Variants in TRPM3 observed in about 807,000 individuals in gnomAD.
The protein encoded by TRPM3 is long transient receptor potential channel 3.
In TRPM3, 77 loss-of-function variants were observed where a neutral mutation model predicts 181.2. The observed-to-expected ratio is 0.42, with a 90% CI of 0.35 to 0.51. The LOEUF is 0.51. Among genes scored for constraint, TRPM3 ranks in the 20% least tolerant of loss-of-function variants. TRPM3 has a pLI of 0.01. For missense variants in TRPM3, 1,759 were observed against 2,196.7 expected, an observed-to-expected ratio of 0.80 and a Z score of 3.98; for synonymous variants, 745 against 796.4, an observed-to-expected ratio of 0.94 and a Z score of 1.09.
intron 1 of TRPM3, among the ~76,000 whole-genome samples, chr9:71,402,261 A>G (rs942995359): frequency 5.3e-5 from 8 of 152,262 alleles, no homozygotes; most frequent in African/African-American, 1.9e-4. Context: ...AAGGTGGCAC[A>G]AAATCTTGCC....
At chr9:70,985,415 A>G (rs1051596437) in intron 1 of TRPM3, among the ~76,000 whole-genome samples, 13 of 152,150 alleles carry the variant, frequency 8.5e-5, no homozygotes, top group African/African-American at 3.1e-4. Flanking sequence ...AATTCTAGAG[A>G]AGGCAACCCA....
intron 22 of TRPM3, among the ~76,000 whole-genome samples, chr9:70,578,795 T>C (rs1211326073): frequency 6.6e-6 from 1 of 152,218 alleles, no homozygotes; most frequent in Non-Finnish European, 1.5e-5. Flanking sequence ...TGGGTTCTGA[T>C]AGGCCAGGTT....
At chr9:71,336,179 G>GA (rs796477216) in intron 1 of TRPM3, among the ~76,000 whole-genome samples, 6,971 of 117,774 alleles carry the variant, frequency 0.059, 333 homozygotes, top group African/African-American at 0.14. Flanking sequence ...CAAACTGTCC[G>GA]AAAAAAAAAA....
chr9:70,657,742 A>C (rs930834928), intron 9 of TRPM3, among the ~76,000 whole-genome samples: 1 of 152,130 alleles, frequency 6.6e-6, no homozygotes, highest in Non-Finnish European at 1.5e-5. Flanking sequence ...AAGGACAGCA[A>C]TTCCTGCTAA....
intron 1 of TRPM3, among the ~76,000 whole-genome samples, chr9:71,159,105 T>TGG (rs1554836762): frequency 1.4e-4 from 20 of 144,082 alleles, no homozygotes; most frequent in Non-Finnish European, 2.0e-4. Flanking sequence ...TATATATATT[T>TGG]AGAGAGAGAG....
At chr9:70,873,289 C>G (rs2095820029) in intron 1 of TRPM3, among the ~76,000 whole-genome samples, 1 of 151,800 alleles carries the variant, frequency 6.6e-6, no homozygotes, top group South Asian at 2.1e-4. Flanking sequence ...GGCAGAGGAC[C>G]ATGACAAAGC....
chr9:71,360,799 T>C (rs531067788), intron 1 of TRPM3, among the ~76,000 whole-genome samples: 10 of 152,232 alleles, frequency 6.6e-5, no homozygotes, highest in African/African-American at 2.4e-4. Flanking sequence ...CATCAAGTAA[T>C]AATGGTAGAG....
At chr9:71,243,650 A>G (rs570790268) in intron 1 of TRPM3, among the ~76,000 whole-genome samples, 50 of 152,290 alleles carry the variant, frequency 3.3e-4, no homozygotes, top group African/African-American at 1.2e-3. Flanking sequence ...AGAAGAATAA[A>G]TTATTATTAT....
intron 3 of TRPM3, among the ~76,000 whole-genome samples, chr9:70,853,638 C>T (rs2095305415): frequency 6.6e-6 from 1 of 152,132 alleles, no homozygotes; most frequent in South Asian, 2.1e-4. Flanking sequence ...ATTACCTAAC[C>T]TCTTTTGACC....
chr9:71,283,753 TC>T (rs974979624), intron 1 of TRPM3, among the ~76,000 whole-genome samples: 3 of 152,240 alleles, frequency 2.0e-5, no homozygotes, highest in Non-Finnish European at 2.9e-5. Context: ...TGCTTTCAAT[TC>T]TTTTGGATCT....
chr9:70,535,828 A>C lies in TRPM3; in HGVS notation c.*125T>G. The stretch of plus-strand genomic sequence containing the variant: ...GTCACCTTTGAGTTAACACCTCCCA[A>C]AGCATTGCTTGTTTTGCTCAGCTAA... On this transcript the variant is annotated 3_prime_UTR_variant, in exon 26 of 26. Transcript: ENST00000677713. The C allele has an allele frequency of 3.3e-6, 5 of 1,505,038 alleles. No homozygotes were observed. The highest frequency in any genetic ancestry group is 4.4e-6 in the Non-Finnish European group (5 of 1,134,242). 93.2% of individuals were successfully genotyped at this position (1,505,038 alleles called of 1,614,324 possible).
chr9:70,654,869 G>A (rs1000262876), intron 9 of TRPM3, among the ~76,000 whole-genome samples: 1 of 151,342 alleles, frequency 6.6e-6, no homozygotes, highest in African/African-American at 2.4e-5. Context: ...ATTTTTAGTA[G>A]AGATGGGGTT....
rs1280273582 is a variant in TRPM3 at position 71,119,287 on chromosome 9, A to G, written c.177+1891T>C. 2.0e-5 allele frequency among the ~76,000 whole-genome samples: 3 copies of G among 152,196 alleles called. No homozygotes were observed. In the East Asian group the frequency reaches 5.8e-4, roughly 29 times the overall value. ...GATATTGAAAAAATGGGAAGGACAC[A>G]CAGTAATGCACTTTATTCAATAAAT... On this transcript the variant is annotated intron_variant, in intron 1 of 25. Transcript: ENST00000677713.
intron 1 of TRPM3, among the ~76,000 whole-genome samples, chr9:70,898,492 G>C (rs2096323159): frequency 6.6e-6 from 1 of 150,412 alleles, no homozygotes; most frequent in Admixed American, 6.6e-5. Context: ...GCTCATGCCT[G>C]TAATCCCAGC....
At chr9:70,594,792 T>G (rs2058726055) in intron 21 of TRPM3, among the ~76,000 whole-genome samples, 1 of 152,172 alleles carries the variant, frequency 6.6e-6, no homozygotes, top group Admixed American at 6.5e-5. Context: ...CACTTGGCTG[T>G]TTTGTGCTTA....
At chr9:71,408,354 GA>G (rs2093476918) in intron 1 of TRPM3, among the ~76,000 whole-genome samples, 1 of 152,028 alleles carries the variant, frequency 6.6e-6, no homozygotes, top group Non-Finnish European at 1.5e-5. Context: ...TAAAAACCTT[GA>G]AAAAAGATTA....
At chr9:70,991,974 C>T (rs2134132590) in intron 1 of TRPM3, among the ~76,000 whole-genome samples, 1 of 152,310 alleles carries the variant, frequency 6.6e-6, no homozygotes, top group East Asian at 1.9e-4. Context: ...TGAGGCCCAG[C>T]TCCAGGTAGC....
chr9:70,774,962 A>G (rs750669126), intron 7 of TRPM3: 8 of 152,218 alleles, frequency 5.3e-5, no homozygotes, highest in Admixed American at 1.3e-4. Context: ...CTGACTGAAG[A>G]AGCTTTTATA....
intron 1 of TRPM3, among the ~76,000 whole-genome samples, chr9:71,265,241 A>T (rs917002165): frequency 1.3e-5 from 2 of 152,176 alleles, no homozygotes; most frequent in Non-Finnish European, 2.9e-5. Context: ...GAAGTTTAAA[A>T]TTTTCTTTGA....
Sources: gnomAD v4.1 joint callset for allele counts (sites outside exome capture counted in the v4.1 genomes callset) on GRCh38, gnomAD v4.1.1 for gene constraint, MANE v1.5 for transcripts, NCBI Gene and HGNC (gene_info 2026-07-23, HGNC 2026-07-21) for gene names.